Variants in SUGCT observed in about 807,000 individuals in gnomAD.
SUGCT encodes succinyl-CoA:glutarate-CoA transferase, also known as succinyl-CoA:glutarate CoA-transferase.
Under a neutral mutation model 55.0 loss-of-function variants are expected in SUGCT, and 41 were observed. The ratio of observed to expected loss-of-function variants is 0.74; its 90% CI spans 0.58 to 0.97. SUGCT has a LOEUF of 0.97. Among genes scored for constraint, SUGCT ranks in the 50% least tolerant of loss-of-function variants. The probability of loss-of-function intolerance (pLI) is 0.00; values close to 1 mark genes in which losing one functional copy is unlikely to be tolerated. For synonymous variants in SUGCT, 187 were observed against 200.4 expected (o/e 0.93, Z 0.56); for missense variants, 568 against 547.8 (o/e 1.04, Z -0.37).
intron 12 of SUGCT, among the ~76,000 whole-genome samples, chr7:40,647,618 A>C (rs937717647): frequency 6.6e-6 from 1 of 152,140 alleles, no homozygotes. Flanking sequence ...TGGGAGGCCA[A>C]GGTGGGTGGA....
At chr7:40,139,558 G>C (rs1787878473) in intron 1 of SUGCT, among the ~76,000 whole-genome samples, 1 of 152,156 alleles carries the variant, frequency 6.6e-6, no homozygotes, top group Non-Finnish European at 1.5e-5. Flanking sequence ...CATGTCCTTA[G>C]CCCATTTGTT....
At chr7:41,022,444 AC>A in the SUGCT span, among the ~76,000 whole-genome samples, 1 of 152,214 alleles carries the variant, frequency 6.6e-6, no homozygotes, top group Non-Finnish European at 1.5e-5. Flanking sequence ...TACTGAAGAA[AC>A]ATCTTAAGAG....
intron 12 of SUGCT, among the ~76,000 whole-genome samples, chr7:40,642,401 T>C (rs1017150343): frequency 6.6e-6 from 1 of 152,022 alleles, no homozygotes; most frequent in Non-Finnish European, 1.5e-5. Context: ...GTCTCAGCAG[T>C]CTCTGTATGA....
At chr7:40,170,842 G>A (rs1784636796) in intron 1 of SUGCT, among the ~76,000 whole-genome samples, 1 of 152,174 alleles carries the variant, frequency 6.6e-6, no homozygotes, top group Non-Finnish European at 1.5e-5. Flanking sequence ...GCTTACTGAT[G>A]TAGCAGTCCT....
At chr7:40,405,766 C>T (rs561572212) in intron 9 of SUGCT, among the ~76,000 whole-genome samples, 10 of 142,704 alleles carry the variant, frequency 7.0e-5, no homozygotes, top group East Asian at 4.1e-4. Context: ...GCGGAGATAG[C>T]GCCACTGTAC....
At chr7:40,716,504 G>A (rs953744240) in intron 12 of SUGCT, among the ~76,000 whole-genome samples, 5 of 152,136 alleles carry the variant, frequency 3.3e-5, no homozygotes, top group Non-Finnish European at 4.4e-5. Context: ...AATGCTTGTT[G>A]TGTTTAAAGG....
At chr7:40,548,050 AT>A (rs1338432847) in intron 12 of SUGCT, among the ~76,000 whole-genome samples, 4 of 151,884 alleles carry the variant, frequency 2.6e-5, no homozygotes, top group African/African-American at 9.7e-5. Context: ...TCTTAGATAT[AT>A]TTTCTACAAC....
chr7:40,589,285 A>G (rs1293086715), intron 12 of SUGCT, among the ~76,000 whole-genome samples: 2 of 152,130 alleles, frequency 1.3e-5, no homozygotes, highest in African/African-American at 4.8e-5. Context: ...CTACTTTAAC[A>G]ATGCATGAGA....
At chr7:40,765,127 C>A (rs1048194656) in intron 13 of SUGCT, among the ~76,000 whole-genome samples, 1 of 152,098 alleles carries the variant, frequency 6.6e-6, no homozygotes, top group Non-Finnish European at 1.5e-5. Flanking sequence ...TAGTTAATTT[C>A]TCTTCATTTG....
chr7:40,610,137 G>A (rs1798705041), intron 12 of SUGCT, among the ~76,000 whole-genome samples: 1 of 152,190 alleles, frequency 6.6e-6, no homozygotes, highest in Admixed American at 6.5e-5. Flanking sequence ...ACTTCCTTCT[G>A]GAGTGGCTTG....
intron 13 of SUGCT, among the ~76,000 whole-genome samples, chr7:40,795,546 G>C (rs569928789): frequency 6.6e-6 from 1 of 151,978 alleles, no homozygotes; most frequent in Non-Finnish European, 1.5e-5. Context: ...AGAAAAGCAG[G>C]GGTTCCATAT....
intron 12 of SUGCT, among the ~76,000 whole-genome samples, chr7:40,597,352 C>T (rs1798065609): frequency 6.6e-6 from 1 of 151,880 alleles, no homozygotes. Flanking sequence ...TTCCTAGAAT[C>T]TTTCAGACTG....
At chr7:40,321,770 T>C (rs1008375397) in intron 9 of SUGCT, among the ~76,000 whole-genome samples, 7 of 152,212 alleles carry the variant, frequency 4.6e-5, no homozygotes, top group African/African-American at 1.7e-4. Context: ...TTTACTCTTG[T>C]TTTATGTCTG....
rs1338278933 is a variant in SUGCT, at chr7:40,428,676, T to C, written c.817-20611T>C. On this transcript the variant is annotated intron_variant, in intron 9 of 13. Coordinates refer to ENST00000335693, the MANE Select transcript of SUGCT (RefSeq NM_001193313.2). ...TATTGATGTCACACCTTACAGCTAT[T>C]TTATACTGTGTATCCATTAACCTGT... 2.0e-5 allele frequency among the ~76,000 whole-genome samples: 3 copies of C among 152,216 alleles called. No individual in the cohort carries two copies. The East Asian group carries it at 5.8e-4, about 29-fold the overall frequency.
At chr7:40,624,057 T>C (rs76245141) in intron 12 of SUGCT, among the ~76,000 whole-genome samples, 10,286 of 152,270 alleles carry the variant, frequency 0.068, 464 homozygotes, top group Middle Eastern at 0.11. Flanking sequence ...GGTCATGGGC[T>C]AATTTCTGTT....
the SUGCT span, among the ~76,000 whole-genome samples, chr7:40,887,098 G>C: frequency 2.0e-5 from 3 of 152,224 alleles, no homozygotes; most frequent in Admixed American, 1.3e-4. Context: ...AGGTGGAAAA[G>C]AGGACCAGTA....
At chr7:40,223,513 A>C (rs779229888) in intron 6 of SUGCT, among the ~76,000 whole-genome samples, 6 of 152,244 alleles carry the variant, frequency 3.9e-5, no homozygotes, top group Non-Finnish European at 8.8e-5. Flanking sequence ...TAGTTATTCT[A>C]TAAATGATCA....
chr7:40,148,173 G>A (rs1788363436), intron 1 of SUGCT, among the ~76,000 whole-genome samples: 1 of 152,204 alleles, frequency 6.6e-6, no homozygotes, highest in African/African-American at 2.4e-5. Context: ...TAATCGGGAT[G>A]AGTCAGGGTG....
chr7:40,987,481 C>T, the SUGCT span, among the ~76,000 whole-genome samples: 5 of 152,064 alleles, frequency 3.3e-5, no homozygotes, highest in African/African-American at 1.2e-4. Flanking sequence ...ACATATACTC[C>T]CACCCTTTCT....
Sources: allele counts gnomAD v4.1 joint callset (sites outside exome capture counted in the v4.1 genomes callset), GRCh38; gene constraint gnomAD v4.1.1; transcripts MANE v1.5; gene names NCBI Gene and HGNC (gene_info 2026-07-23, HGNC 2026-07-21).